Variants in ADARB1 observed in about 807,000 individuals in gnomAD.
ADARB1 encodes the protein adenosine deaminase RNA specific B1, also known as double-stranded RNA-specific editase 1.
In ADARB1, 10 loss-of-function variants were observed where a neutral mutation model predicts 52.4. The observed-to-expected ratio is 0.19, with a 90% confidence interval of 0.12 to 0.32. The LOEUF (loss-of-function observed/expected upper bound fraction) is 0.32, where lower values mean the gene tolerates loss of function less well. Ranked by LOEUF, ADARB1 falls within the 10% of genes least tolerant of loss-of-function variation. The probability of loss-of-function intolerance (pLI) is 1.00; values close to 1 mark genes in which losing one functional copy is unlikely to be tolerated. For missense variants in ADARB1, 643 were observed against 922.3 expected, an observed-to-expected ratio of 0.70 and a Z score of 3.92; for synonymous variants, 349 against 371.1, an observed-to-expected ratio of 0.94 and a Z score of 0.68.
In ADARB1 at chr21:45,182,698, A is replaced by G. The variant is rs200625156; in HGVS notation, c.1192A>G (p.Ile398Val). The G allele has an allele frequency of 1.3e-4, 214 of 1,612,140 alleles. No homozygotes were observed. Among genetic ancestry groups the G allele is most frequent in the Non-Finnish European group, 1.7e-4 (198 of 1,179,336 alleles). ...ATTAAATGACTGCCATGCAGAAATA[A>G]TATCTCGGAGATCCTTGCTCAGATT... is the stretch of plus-strand genomic sequence containing the variant. The part of the protein sequence containing the change: ...LALNDCHAEI[I>V]SRRSLLRFLY... The change falls in exon 6 of 11, where the codon ATA (isoleucine) becomes GTA (valine). Residue 398 changes from isoleucine to valine, a missense_variant. By Grantham distance (29) the Ile-to-Val change is conservative (BLOSUM62 3). Around this residue, in one of 2 missense-constraint regions of ADARB1, gnomAD observed 263 missense variants for 475.8 expected, o/e 0.55. Transcript: ENST00000348831.
intron 9 of ADARB1, among the ~76,000 whole-genome samples, chr21:45,206,021 A>T (rs2092659069): frequency 6.6e-6 from 1 of 152,234 alleles, no homozygotes; most frequent in Non-Finnish European, 1.5e-5. Context: ...CAGTTCCGTA[A>T]CTTAACCATT....
chr21:45,128,268 ATAACT>A lies in ADARB1; in HGVS notation c.-219-130_-219-126del, dbSNP rs1410920248. 1.3e-5 allele frequency: 2 copies of A among 152,250 alleles called. No individual in the cohort carries two copies. Among genetic ancestry groups the A allele is most frequent in the African/African-American group, 2.4e-5 (1 of 41,464 alleles). The allele number at this position is 152,250 out of a possible 1,614,324, so 9.4% of individuals were successfully genotyped here. A position where few individuals can be genotyped will look rare whatever the true frequency, so the allele number is the denominator to read the frequency against. ...ACAGATTCGGAAGAGTACATTTAAA[ATAACT>A]TAAATTTGTATTTAGAAGACTTTTC... On this transcript the variant is annotated intron_variant, in intron 1 of 10. Coordinates refer to ENST00000348831, the MANE Select transcript of ADARB1 (RefSeq NM_001112.4). This position sits in a 1 kb window ranked among gnomAD's most constrained non-coding sequence, Gnocchi z 4.6.
intron 1 of ADARB1, among the ~76,000 whole-genome samples, chr21:45,102,909 G>A (rs964447739): frequency 1.3e-5 from 2 of 152,176 alleles, no homozygotes; most frequent in Admixed American, 6.5e-5. Flanking sequence ...AAGTGGGGCG[G>A]GGGGCTCAAC....
intron 9 of ADARB1, among the ~76,000 whole-genome samples, chr21:45,216,205 T>C (rs2092859239): frequency 6.6e-6 from 1 of 152,182 alleles, no homozygotes; most frequent in African/African-American, 2.4e-5. Context: ...TCTTGGTTGT[T>C]TTTTTCTGAT....
rs1383568435 is a variant in ADARB1 at position 45,225,027 on chromosome 21, CATTTTGA to C, written c.*2831_*2837del. The C allele has an allele frequency of 1.0e-6, 1 of 985,484 alleles. No individual in the cohort carries two copies. The highest frequency in any genetic ancestry group is 1.2e-6 in the Non-Finnish European group (1 of 830,096). The allele number at this position is 985,484 out of a possible 1,614,324, so 61.0% of individuals were successfully genotyped here. ...CTTGATTTTTTAAGAAAAAATATTA[CATTTTGA>C]GGACATTTTGACAAGTAGGGGAAGA... On this transcript the variant is annotated 3_prime_UTR_variant, in exon 11 of 11. Transcript: ENST00000348831.
Position 45,166,788 on chromosome 21 carries a change from C to G in ADARB1, c.-47-4822C>G, listed in dbSNP as rs74759421. 1.1e-4 allele frequency among the ~76,000 whole-genome samples: 17 copies of G among 152,280 alleles called. No individual in the cohort carries two copies. The East Asian group carries it at 3.1e-3, about 28-fold the overall frequency. ...TGCAGTCAAGTTCAATGTTCTTCCA[C>G]ACTCACCACCTCCCAGCTCTGTCTT... is the stretch of plus-strand genomic sequence containing the variant. On this transcript the variant is annotated intron_variant, in intron 2 of 10. Coordinates refer to ENST00000348831, the MANE Select transcript of ADARB1 (RefSeq NM_001112.4).
At chr21:45,117,697 C>A (rs990319826) in intron 1 of ADARB1, among the ~76,000 whole-genome samples, 4 of 152,124 alleles carry the variant, frequency 2.6e-5, no homozygotes, top group Non-Finnish European at 2.9e-5. Context: ...TTTAATGGAT[C>A]AGCTATTGAT....
In ADARB1 at chr21:45,204,667, A is replaced by G. The variant is rs760068861; in HGVS notation, c.1678A>G (p.Met560Val). 6.5e-5 allele frequency: 105 copies of G among 1,614,036 alleles called. No individual in the cohort carries two copies. The highest frequency in any genetic ancestry group is 8.2e-5 in the Non-Finnish European group (97 of 1,180,040). ...LYHGDHLSRA[M>V]YQRISNIEDL... ...CCACGGGGACCACCTTTCCAGGGCC[A>G]TGTACCAGCGGATCTCCAACATAGA... Residue 560 changes from methionine to valine, a missense_variant, in exon 9 of 11, where the codon ATG becomes GTG. Transcript: ENST00000348831. This position sits in a 1 kb window ranked among gnomAD's most constrained non-coding sequence, Gnocchi z 4.4.
At chr21:45,106,855 G>T (rs2087281837) in intron 1 of ADARB1, among the ~76,000 whole-genome samples, 1 of 152,196 alleles carries the variant, frequency 6.6e-6, no homozygotes, top group Non-Finnish European at 1.5e-5. Context: ...TTGTGGCAAG[G>T]CAGGAAGAGG....
chr21:45,182,673 A>G lies in ADARB1; in HGVS notation c.1167A>G (p.Ala389=). Residue 389 remains alanine (A), a synonymous_variant, in exon 6 of 11, where the codon GCA becomes GCG. Coordinates refer to ENST00000348831, the MANE Select transcript of ADARB1 (RefSeq NM_001112.4). ...NGEYMSDRGL[A]LNDCHAEIIS... Reference sequence around the variant, plus strand: ...AATACATGAGTGATCGTGGCCTTGCATTAAATGACTGCCATGCAGAAATAA... The same window carrying G: ...AATACATGAGTGATCGTGGCCTTGCGTTAAATGACTGCCATGCAGAAATAA... The G allele has an allele frequency of 6.2e-7, 1 of 1,612,910 alleles. No homozygotes were observed. The highest frequency in any genetic ancestry group is 1.1e-5 in the South Asian group (1 of 90,760).
At position 45,137,031 on chromosome 21, in the gene ADARB1, G is replaced by A. The variant is rs560395086; in HGVS notation, c.-48+8458G>A. On this transcript the variant is annotated intron_variant, in intron 2 of 10. Coordinates refer to ENST00000348831, the MANE Select transcript of ADARB1 (RefSeq NM_001112.4). ...TTTAACAAAATACACACTGTTGGGT[G>A]TAAAATCATAAATATCTGAAGTTCT... is the stretch of plus-strand genomic sequence containing the variant. 6.6e-5 allele frequency: 10 copies of A among 152,306 alleles called. No individual in the cohort carries two copies. In the South Asian group the frequency reaches 1.9e-3, roughly 28 times the overall value. 9.4% of individuals were successfully genotyped at this position (152,306 alleles called of 1,614,324 possible).
At position 45,221,132 on chromosome 21, in the gene ADARB1, G is replaced by T; in HGVS notation, c.1926+118G>T. On this transcript the variant is annotated intron_variant, in intron 10 of 10. Coordinates refer to ENST00000348831, the MANE Select transcript of ADARB1 (RefSeq NM_001112.4). The surrounding 1 kb of genome is among the most constrained non-coding windows in gnomAD (Gnocchi z 4.9). ...GTCATCATGCACAGCTTCCGAAAAC[G>T]ATCACTTGGAATGATTCTTCCTTCA... The T allele has an allele frequency of 1.7e-6, 2 of 1,201,966 alleles. No homozygotes were observed. Among genetic ancestry groups the T allele is most frequent in the South Asian group, 1.5e-5 (1 of 65,036 alleles). 74.5% of individuals were successfully genotyped at this position (1,201,966 alleles called of 1,614,324 possible).
intron 2 of ADARB1, among the ~76,000 whole-genome samples, chr21:45,171,252 G>T (rs1308940959): frequency 6.6e-6 from 1 of 152,176 alleles, no homozygotes; most frequent in East Asian, 1.9e-4. Context: ...GCCCTCCATT[G>T]CCTGGAATCA....
intron 1 of ADARB1, among the ~76,000 whole-genome samples, chr21:45,121,185 T>C (rs1306873152): frequency 6.6e-6 from 1 of 152,242 alleles, no homozygotes; most frequent in Non-Finnish European, 1.5e-5. Flanking sequence ...GTGTAAGCTT[T>C]GTGCTTTTCC....
intron 2 of ADARB1, among the ~76,000 whole-genome samples, chr21:45,154,314 T>C (rs980280414): frequency 2.0e-5 from 3 of 152,346 alleles, no homozygotes; most frequent in East Asian, 3.9e-4. Flanking sequence ...TATCATGTTA[T>C]GTGTTAGTTC....
Position 45,144,563 on chromosome 21 carries a change from G to A in ADARB1, c.-48+15990G>A. On this transcript the variant is annotated intron_variant, in intron 2 of 10. Transcript: ENST00000348831. ...TGATACAGTAAATCGTTGCTATTCT[G>A]CTTTGAATTTCTGGATTCTCATGAA... The A allele has an allele frequency of 7.1e-6, 3 of 425,252 alleles. No homozygotes were observed. In the Admixed American group the frequency reaches 7.8e-5, roughly 11 times the overall value. The allele number at this position is 425,252 out of a possible 1,614,324, so 26.3% of individuals were successfully genotyped here.
chr21:45,159,234 C>G (rs1207904927), intron 2 of ADARB1, among the ~76,000 whole-genome samples: 1 of 152,038 alleles, frequency 6.6e-6, no homozygotes, highest in Non-Finnish European at 1.5e-5. Context: ...TATATGGCAG[C>G]CAGCAAAGAG....
intron 8 of ADARB1, among the ~76,000 whole-genome samples, chr21:45,192,554 A>G (rs1214293176): frequency 6.6e-6 from 1 of 152,140 alleles, no homozygotes; most frequent in African/African-American, 2.4e-5. Context: ...GGCAGCCACC[A>G]TGTGAGAGTT....
At chr21:45,134,652 G>A in intron 2 of ADARB1, 2 of 443,318 alleles carry the variant, frequency 4.5e-6, no homozygotes, top group South Asian at 1.6e-5. Flanking sequence ...TATGGACAAG[G>A]CAGTACAGTA....
Sources: allele counts gnomAD v4.1 joint callset (sites outside exome capture counted in the v4.1 genomes callset), GRCh38; gene constraint gnomAD v4.1.1; regional missense constraint gnomAD v4.1.1; non-coding constraint Gnocchi (gnomAD v3.1); transcripts MANE v1.5; gene names NCBI Gene and HGNC (gene_info 2026-07-23, HGNC 2026-07-21).